The following CD200 variants were observed in gnomAD, a reference collection of about 807,000 sequenced individuals.
CD200 encodes the protein OX-2 membrane glycoprotein.
A neutral mutation model predicts 30.9 loss-of-function variants in CD200; 15 were observed. That is an observed-to-expected ratio of 0.49 (90% CI 0.32 to 0.75). The LOEUF (loss-of-function observed/expected upper bound fraction) is 0.75. CD200 is among the 30% of genes least tolerant of loss of function. CD200 has a pLI of 0.03. For missense variants in CD200, 262 were observed against 324.2 expected (o/e 0.81, Z 1.47); for synonymous variants, 134 against 126.2 (o/e 1.06, Z -0.41).
At position 112,346,953 on chromosome 3, in the gene CD200, G is replaced by A. The variant is rs573421372; in HGVS notation, c.422-605G>A. The stretch of plus-strand genomic sequence containing the variant: ...CCAACAGTCATTTCTTAATTTTTAT[G>A]GTTATTAGCTACGAATTCCAAATTT... On this transcript the variant is annotated intron_variant, in intron 3 of 5. Coordinates refer to ENST00000315711, the MANE Select transcript of CD200 (RefSeq NM_005944.7). 6.6e-5 allele frequency among the ~76,000 whole-genome samples: 10 copies of A among 152,136 alleles called. No individual in the cohort carries two copies. The South Asian group carries it at 2.1e-3, about 32-fold the overall frequency.
In CD200 at chr3:112,342,382, T is replaced by TTTC. The variant is rs2081279869; in HGVS notation, c.94+1402_94+1404dup. ...CTTTCTTTCTTTCTTTCTTTCTTTC[T>TTTC]TTCTTTCTTTCTTTCTTTCTTTCTT... On this transcript the variant is annotated intron_variant, in intron 2 of 5. Transcript: ENST00000315711. Among the ~76,000 whole-genome samples, 2 of 51,934 alleles carry TTTC rather than the reference T, an allele frequency of 3.9e-5. 1 individual carries two copies. The highest frequency in any genetic ancestry group is 8.0e-5 in the Non-Finnish European group (2 of 25,018). 34.1% of individuals were successfully genotyped at this position (51,934 alleles called of 152,430 possible).
In CD200 at chr3:112,341,087, A is replaced by G; in HGVS notation, c.94+104A>G. On this transcript the variant is annotated intron_variant, in intron 2 of 5. Transcript: ENST00000315711. ...TGCTGTGCTGGTTCCATTTGTCTGC[A>G]TGAATTATTTAAGCATGTAATCTGC... The G allele has an allele frequency of 5.7e-6, 4 of 697,304 alleles. No homozygotes were observed. In the South Asian group the frequency reaches 6.1e-5, roughly 11 times the overall value. 43.2% of individuals were successfully genotyped at this position (697,304 alleles called of 1,614,324 possible). A position where few individuals can be genotyped will look rare whatever the true frequency, so the allele number is the denominator to read the frequency against.
At chr3:112,349,108 G>A (rs2081477090) in intron 4 of CD200, among the ~76,000 whole-genome samples, 1 of 152,152 alleles carries the variant, frequency 6.6e-6, no homozygotes, top group South Asian at 2.1e-4. Flanking sequence ...GAAGATGCTA[G>A]AGACTCCCAA....
At chr3:112,348,648 T>C (rs2081460531) in intron 4 of CD200, among the ~76,000 whole-genome samples, 1 of 152,214 alleles carries the variant, frequency 6.6e-6, no homozygotes, top group South Asian at 2.1e-4. Context: ...TACTCCTCTT[T>C]TTTGGAGAAA....
At chr3:112,353,898 G>A (rs1458914579) in intron 5 of CD200, among the ~76,000 whole-genome samples, 1 of 152,168 alleles carries the variant, frequency 6.6e-6, no homozygotes, top group East Asian at 1.9e-4. Flanking sequence ...CCAGGAGGAA[G>A]AAATGTGATG....
intron 1 of CD200, among the ~76,000 whole-genome samples, chr3:112,337,496 G>T (rs2081144873): frequency 6.6e-6 from 1 of 152,152 alleles, no homozygotes; most frequent in South Asian, 2.1e-4. Flanking sequence ...CAATGGAAAT[G>T]AATTTGCAAG....
intron 5 of CD200, among the ~76,000 whole-genome samples, chr3:112,355,935 C>A (rs1420384148): frequency 1.3e-5 from 2 of 152,004 alleles, no homozygotes; most frequent in Non-Finnish European, 2.9e-5. Context: ...CTAAAAATAA[C>A]CATATTGTAA....
chr3:112,333,556 C>T (rs1240348017), intron 1 of CD200: 56 of 985,326 alleles, frequency 5.7e-5, no homozygotes, highest in African/African-American at 7.0e-5. Flanking sequence ...GCAGGCTCGG[C>T]TCGGCTCACT....
chr3:112,360,061 C>T (rs542530622), intron 5 of CD200, among the ~76,000 whole-genome samples: 14 of 152,272 alleles, frequency 9.2e-5, no homozygotes, highest in South Asian at 4.2e-4. Flanking sequence ...GGTGCGGTGG[C>T]ACATGTCTGT....
At position 112,342,405 on chromosome 3, in the gene CD200, CTT is replaced by C. The variant is rs1209342623; in HGVS notation, c.94+1424_94+1425del. ...TCTTTCTTTCTTTCTTTCTTTCTTT[CTT>C]TCTTTCTTTCTTTCTTTCTTTCTTC... On this transcript the variant is annotated intron_variant, in intron 2 of 5. Transcript: ENST00000315711. 3.3e-5 allele frequency among the ~76,000 whole-genome samples: 2 copies of C among 60,212 alleles called. 1 individual carries two copies. The highest frequency in any genetic ancestry group is 6.6e-5 in the Non-Finnish European group (2 of 30,372). 39.5% of individuals were successfully genotyped at this position (60,212 alleles called of 152,430 possible).
At chr3:112,333,880 T>G (rs1344091703) in intron 1 of CD200, 13 of 985,320 alleles carry the variant, frequency 1.3e-5, no homozygotes, top group Non-Finnish European at 1.6e-5. Flanking sequence ...AGACATTTTG[T>G]TTATTCGGAA....
intron 1 of CD200, among the ~76,000 whole-genome samples, chr3:112,335,390 C>G (rs2081089506): frequency 6.6e-6 from 1 of 152,152 alleles, no homozygotes; most frequent in Non-Finnish European, 1.5e-5. Flanking sequence ...GAAGGGATAG[C>G]ATGCTTATGG....
chr3:112,333,476 A>T, intron 1 of CD200: 2 of 985,388 alleles, frequency 2.0e-6, no homozygotes, highest in Non-Finnish European at 2.4e-6. Context: ...AATTGCCTGA[A>T]AAAAAGATGC....
Position 112,342,837 on chromosome 3 carries a change from G to A in CD200, c.94+1854G>A, listed in dbSNP as rs145267975. 1.4e-3 allele frequency among the ~76,000 whole-genome samples: 218 copies of A among 152,242 alleles called. 3 individuals are homozygous for A. Among genetic ancestry groups the A allele is most frequent in the African/African-American group, 4.9e-3 (203 of 41,548 alleles). ...TGTACCTAAGACTTAAAAGAAGTAT[G>A]TAAATTTCTAATTTTATTGTATTAT... On this transcript the variant is annotated intron_variant, in intron 2 of 5. Coordinates refer to ENST00000315711, the MANE Select transcript of CD200 (RefSeq NM_005944.7).
At chr3:112,357,521 A>C (rs2081651023) in intron 5 of CD200, among the ~76,000 whole-genome samples, 1 of 152,184 alleles carries the variant, frequency 6.6e-6, no homozygotes, top group African/African-American at 2.4e-5. Context: ...TACTAAATCT[A>C]AGGTCCTTTT....
chr3:112,339,514 C>A (rs1264765568), intron 1 of CD200, among the ~76,000 whole-genome samples: 2 of 152,192 alleles, frequency 1.3e-5, no homozygotes, highest in Non-Finnish European at 2.9e-5. Flanking sequence ...AAATAAGGCC[C>A]TGTGTCCAGG....
chr3:112,342,669 C>T (rs1200401307), intron 2 of CD200, among the ~76,000 whole-genome samples: 1 of 152,108 alleles, frequency 6.6e-6, no homozygotes, highest in South Asian at 2.1e-4. Flanking sequence ...GTCATCCACT[C>T]GCCTCGGCCT....
chr3:112,346,154 A>C lies in CD200; in HGVS notation c.421+866A>C, dbSNP rs771133725. Among the ~76,000 whole-genome samples, 71 of 151,852 alleles carry C rather than the reference A, an allele frequency of 4.7e-4. 2 individuals are homozygous for C. Among genetic ancestry groups the C allele is most frequent in the Non-Finnish European group, 1.0e-4 (7 of 68,004 alleles). ...ATTTCTTTTACTTATTTTGCCTATA[A>C]TGAGTCCTCTCTGTAGAATCTTATG... is the stretch of plus-strand genomic sequence containing the variant. On this transcript the variant is annotated intron_variant, in intron 3 of 5. Transcript: ENST00000315711.
In CD200 at chr3:112,362,611, T is replaced by C. The variant is rs1011563487; in HGVS notation, c.*1061T>C. On this transcript the variant is annotated 3_prime_UTR_variant, in exon 6 of 6. Coordinates refer to ENST00000315711, the MANE Select transcript of CD200 (RefSeq NM_005944.7). ...TAGTGGAATGATGTTGAATCTTTAATAACCATAATTAGTTGCTTTTTCAGT... is the reference window on the plus strand; with the variant it reads ...TAGTGGAATGATGTTGAATCTTTAACAACCATAATTAGTTGCTTTTTCAGT... The C allele has an allele frequency of 6.6e-5, 10 of 152,656 alleles. No individual in the cohort carries two copies. The highest frequency in any genetic ancestry group is 4.4e-5 in the Non-Finnish European group (3 of 68,036). 9.5% of individuals were successfully genotyped at this position (152,656 alleles called of 1,614,324 possible).
Sources: gnomAD v4.1 joint callset for allele counts (sites outside exome capture counted in the v4.1 genomes callset) on GRCh38, gnomAD v4.1.1 for gene constraint, MANE v1.5 for transcripts, NCBI Gene and HGNC (gene_info 2026-07-23, HGNC 2026-07-21) for gene names.